Variants in CCDC66 observed in about 807,000 individuals in gnomAD.
CCDC66 encodes coiled-coil domain containing 66, also known as coiled-coil domain-containing protein 66.
CCDC66 carries 133 observed loss-of-function variants against 128.3 expected under a neutral mutation model. The observed-to-expected ratio is 1.04, with a 90% CI of 0.90 to 1.20. The LOEUF (loss-of-function observed/expected upper bound fraction) is 1.20. Among genes scored for constraint, CCDC66 ranks in the 50% most tolerant of loss-of-function variants. CCDC66 has a pLI of 0.00. For synonymous variants in CCDC66, 387 were observed against 357.0 expected, an observed-to-expected ratio of 1.08 and a Z score of -0.95; for missense variants, 1,126 against 1,075.5, an observed-to-expected ratio of 1.05 and a Z score of -0.66.
In CCDC66 at chr3:56,566,968, A is replaced by C. The variant is rs745350795; in HGVS notation, c.729A>C (p.Pro243=). ...ACCTTAGAGAGAATGAATGGAAACCAGCTGATATATTCAGTACTCTGGGGG... is the reference window on the plus strand; with the variant it reads ...ACCTTAGAGAGAATGAATGGAAACCCGCTGATATATTCAGTACTCTGGGGG... ...QKIAIENEWK[P]ADIFSTLGER... The change falls in exon 6 of 18, where the codon CCA becomes CCC. Residue 243 remains proline (P), a synonymous_variant. Coordinates refer to ENST00000394672, the MANE Select transcript of CCDC66 (RefSeq NM_001141947.3). 5.0e-6 allele frequency: 8 copies of C among 1,613,772 alleles called. No individual in the cohort carries two copies. The highest frequency in any genetic ancestry group is 6.8e-6 in the Non-Finnish European group (8 of 1,179,866).
intron 4 of CCDC66, among the ~76,000 whole-genome samples, chr3:56,566,328 T>C (rs2065856387): frequency 6.6e-6 from 1 of 152,154 alleles, no homozygotes; most frequent in African/African-American, 2.4e-5. Context: ...TTTTGTCATG[T>C]TGCCCAGGCT....
intron 7 of CCDC66, among the ~76,000 whole-genome samples, chr3:56,574,701 TAA>T (rs1313406298): frequency 6.6e-6 from 1 of 151,762 alleles, no homozygotes; most frequent in Non-Finnish European, 1.5e-5. Context: ...ACTTATAATT[TAA>T]AGAGTTGGGG....
chr3:56,583,834 CG>C (rs1238149978), intron 7 of CCDC66, among the ~76,000 whole-genome samples: 2 of 151,734 alleles, frequency 1.3e-5, no homozygotes, highest in Non-Finnish European at 1.5e-5. Flanking sequence ...GACGGGGTGG[CG>C]GCCAGGAAGA....
At chr3:56,616,843 GT>G in intron 13 of CCDC66, 1 of 330,332 alleles carries the variant, frequency 3.0e-6, no homozygotes, top group Non-Finnish European at 5.4e-6. Flanking sequence ...ATCTCAGGTG[GT>G]TTTGGTTTGC....
At chr3:56,579,520 C>T (rs943677095) in intron 7 of CCDC66, among the ~76,000 whole-genome samples, 1 of 151,788 alleles carries the variant, frequency 6.6e-6, no homozygotes, top group Non-Finnish European at 1.5e-5. Flanking sequence ...AATTTTAGAT[C>T]TTTCCTGCTT....
chr3:56,584,020 G>A (rs2068966153), intron 7 of CCDC66, among the ~76,000 whole-genome samples: 1 of 123,194 alleles, frequency 8.1e-6, no homozygotes, highest in Admixed American at 8.0e-5. Flanking sequence ...GCGGGGGGCT[G>A]CCCCCCACCT....
intron 17 of CCDC66, 71 bp downstream of exon 17, chr3:56,619,972 C>T (rs2076154020): frequency 4.7e-6 from 7 of 1,498,110 alleles, no homozygotes; most frequent in African/African-American, 1.5e-5. Flanking sequence ...ACCTGTTGAA[C>T]GGTTTGTTTT....
intron 10 of CCDC66, among the ~76,000 whole-genome samples, chr3:56,606,046 C>T (rs1227441299): frequency 2.0e-5 from 3 of 152,082 alleles, no homozygotes; most frequent in Non-Finnish European, 4.4e-5. Flanking sequence ...CCAGTTCGAT[C>T]TTCCAGGCCG....
chr3:56,581,158 A>C (rs2068296720), intron 7 of CCDC66, among the ~76,000 whole-genome samples: 1 of 151,620 alleles, frequency 6.6e-6, no homozygotes, highest in Non-Finnish European at 1.5e-5. Context: ...CATTCATTTG[A>C]TCTTCAGTCA....
intron 3 of CCDC66, among the ~76,000 whole-genome samples, chr3:56,559,918 A>G (rs1469666946): frequency 2.0e-5 from 3 of 152,368 alleles, no homozygotes; most frequent in East Asian, 3.9e-4. Context: ...AAATGTAACT[A>G]GTATGACTGA....
In CCDC66 at chr3:56,615,109, A is replaced by C. The variant is rs1200412448; in HGVS notation, c.1567-19A>C. Reference sequence around the variant, plus strand: ...TGTATGTTTAATAGATGAATTTAGTAACACATCAATATTGACAGGAAATCA... The same window carrying C: ...TGTATGTTTAATAGATGAATTTAGTCACACATCAATATTGACAGGAAATCA... On this transcript the variant is annotated intron_variant, in intron 11 of 17. Coordinates refer to ENST00000394672, the MANE Select transcript of CCDC66 (RefSeq NM_001141947.3). 1 of 1,609,370 alleles carries C rather than the reference A, an allele frequency of 6.2e-7. No individual in the cohort carries two copies. Among genetic ancestry groups the C allele is most frequent in the South Asian group, 1.1e-5 (1 of 90,100 alleles).
At chr3:56,570,222 A>G (rs1007971222) in intron 6 of CCDC66, 2 of 152,130 alleles carry the variant, frequency 1.3e-5, no homozygotes, top group Non-Finnish European at 2.9e-5. Flanking sequence ...GCTTCCAGTA[A>G]CATTCTTGGA....
At chr3:56,584,535 G>C (rs2069221784) in intron 7 of CCDC66, among the ~76,000 whole-genome samples, 1 of 151,310 alleles carries the variant, frequency 6.6e-6, no homozygotes, top group Non-Finnish European at 1.5e-5. Context: ...CAGATGATGG[G>C]CAGCCGGGCA....
At chr3:56,619,595 A>T in intron 16 of CCDC66, 68 bp downstream of exon 16, 1 of 1,518,990 alleles carries the variant, frequency 6.6e-7, no homozygotes, top group African/African-American at 1.4e-5. Context: ...AACAACTTTA[A>T]ATTCCAAATT....
In CCDC66 at chr3:56,563,686, G is replaced by A. The variant is rs1222760710; in HGVS notation, c.105G>A (p.Met35Ile). The A allele has an allele frequency of 3.9e-6, 6 of 1,544,362 alleles. No homozygotes were observed. Among genetic ancestry groups the A allele is most frequent in the East Asian group, 2.5e-5 (1 of 40,810 alleles). The change falls in exon 4 of 18, where the codon ATG becomes ATA. Residue 35 changes from methionine (M) to isoleucine (I), a missense_variant and splice_region_variant. Physicochemically the swap from Met to Ile is conservative, Grantham distance 10 (BLOSUM62 1). Coordinates refer to ENST00000394672, the MANE Select transcript of CCDC66 (RefSeq NM_001141947.3). ...ATAAGCTTCTGGTGTTTTAACAGAT[G>A]GGAAATAAGGCCAAGATTGCAAAAT... Reference protein sequence around the residue: ...YEHKSKISVKMGNKAKIAKCP... With the variant: ...YEHKSKISVKIGNKAKIAKCP...
At chr3:56,617,709 C>T in intron 14 of CCDC66, 104 bp downstream of exon 14, 2 of 1,397,066 alleles carry the variant, frequency 1.4e-6, no homozygotes, top group South Asian at 2.9e-5. Flanking sequence ...TTTCAGTTTA[C>T]ATTAGGGATC....
intron 11 of CCDC66, among the ~76,000 whole-genome samples, chr3:56,614,152 T>C (rs2075207648): frequency 6.6e-6 from 1 of 152,214 alleles, no homozygotes; most frequent in Non-Finnish European, 1.5e-5. Flanking sequence ...AAGCTATGTA[T>C]GGAAATGTCA....
chr3:56,589,515 A>G (rs1399816118), intron 7 of CCDC66, among the ~76,000 whole-genome samples: 1 of 152,206 alleles, frequency 6.6e-6, no homozygotes, highest in Non-Finnish European at 1.5e-5. Context: ...GGGTCTATTC[A>G]ATGAATGAAA....
intron 3 of CCDC66, among the ~76,000 whole-genome samples, chr3:56,562,230 G>A (rs1398963009): frequency 6.6e-6 from 1 of 151,784 alleles, no homozygotes; most frequent in African/African-American, 2.4e-5. Context: ...AAAATTTTTT[G>A]TACAGACGGG....
Sources: allele counts gnomAD v4.1 joint callset (sites outside exome capture counted in the v4.1 genomes callset), GRCh38; gene constraint gnomAD v4.1.1; transcripts MANE v1.5; gene names NCBI Gene and HGNC (gene_info 2026-07-23, HGNC 2026-07-21).